ZDBF2: variants seen among roughly 807,000 people sequenced by gnomAD.
The protein encoded by ZDBF2 is DBF4-type zinc finger-containing protein 2.
ZDBF2 carries 6 observed loss-of-function variants against 9.4 expected under a neutral mutation model. That is an observed-to-expected ratio of 0.64 (90% CI 0.35 to 1.27). The LOEUF (loss-of-function observed/expected upper bound fraction) is 1.27. ZDBF2 is among the 50% of genes most tolerant of loss of function. The pLI, the probability that ZDBF2 is intolerant of heterozygous loss-of-function variation, is 0.03. For missense variants in ZDBF2, 2,697 were observed against 2,766.8 expected, an observed-to-expected ratio of 0.97 and a Z score of 0.57; for synonymous variants, 905 against 946.3, an observed-to-expected ratio of 0.96 and a Z score of 0.80.
rs757846149 is a variant in ZDBF2, at chr2:206,307,479, A to T, written c.2951A>T (p.Lys984Met). ...AAAGAAACATGGCTTCAAAGAGAAAAGCACGCTGAATTCCAAGGTAGAAGT... is the reference window on the plus strand; with the variant it reads ...AAAGAAACATGGCTTCAAAGAGAAATGCACGCTGAATTCCAAGGTAGAAGT... ...IVKETWLQREKHAEFQGRSTE... is the reference protein window; with the variant it reads ...IVKETWLQREMHAEFQGRSTE... Residue 984 changes from lysine (K) to methionine (M), a missense_variant, in exon 5 of 5, where the codon AAG (lysine) becomes ATG (methionine). Transcript: ENST00000374423. The T allele has an allele frequency of 6.2e-7, 1 of 1,613,082 alleles. No individual in the cohort carries two copies. The highest frequency in any genetic ancestry group is 1.1e-5 in the South Asian group (1 of 90,756).
intron 1 of ZDBF2, among the ~76,000 whole-genome samples, chr2:206,276,678 C>A (rs1287373596): frequency 6.6e-6 from 1 of 152,316 alleles, no homozygotes; most frequent in South Asian, 2.1e-4. Context: ...AACAAGATAC[C>A]TCTTTTCTCT....
intron 4 of ZDBF2, among the ~76,000 whole-genome samples, chr2:206,300,687 A>G (rs748195810): frequency 4.6e-5 from 7 of 152,210 alleles, no homozygotes; most frequent in Non-Finnish European, 7.3e-5. Flanking sequence ...CTTTGAGACT[A>G]TGTAAATACC....
intron 3 of ZDBF2, among the ~76,000 whole-genome samples, chr2:206,292,427 G>A (rs930222754): frequency 6.6e-6 from 1 of 152,104 alleles, no homozygotes; most frequent in Non-Finnish European, 1.5e-5. Context: ...ATAGGCAAGA[G>A]TAACAGATTG....
At position 206,297,291 on chromosome 2, in the gene ZDBF2, C is replaced by T. The variant is rs773297831; in HGVS notation, c.106C>T (p.Arg36Cys). 16 of 1,588,458 alleles carry T rather than the reference C, an allele frequency of 1.0e-5. No individual in the cohort carries two copies. Among genetic ancestry groups the T allele is most frequent in the East Asian group, 4.5e-5 (2 of 44,726 alleles). ...QHRSLTRQSR[R>C]QICTSSLMER... ...CAGGAGTTTGACCAGACAGAGTAGA[C>T]GTCAAATATGTACCAGTAGTTTGAT... The change falls in exon 4 of 5, where the codon CGT (arginine) becomes TGT (cysteine). Residue 36 changes from arginine to cysteine, a missense_variant. Arg to Cys is a radical substitution (Grantham distance 180, BLOSUM62 -3). This residue lies in a region of ZDBF2 where 910 missense variants were observed against 973.6 expected (regional missense o/e 0.93). Transcript: ENST00000374423.
chr2:206,307,480 G>A lies in ZDBF2; in HGVS notation c.2952G>A (p.Lys984=). The A allele has an allele frequency of 6.2e-7, 1 of 1,613,032 alleles. No individual in the cohort carries two copies. Among genetic ancestry groups the A allele is most frequent in the African/African-American group, 1.3e-5 (1 of 75,018 alleles). Residue 984 remains lysine (K), a synonymous_variant, in exon 5 of 5, where the codon AAG becomes AAA. Transcript: ENST00000374423. ...IVKETWLQRE[K]HAEFQGRSTE... Reference sequence around the variant, plus strand: ...AAGAAACATGGCTTCAAAGAGAAAAGCACGCTGAATTCCAAGGTAGAAGTA... The same window carrying A: ...AAGAAACATGGCTTCAAAGAGAAAAACACGCTGAATTCCAAGGTAGAAGTA...
At chr2:206,297,422 T>C (rs1434646266) in intron 4 of ZDBF2, 49 bp downstream of exon 4, 4 of 1,524,542 alleles carry the variant, frequency 2.6e-6, no homozygotes, top group Non-Finnish European at 3.6e-6. Flanking sequence ...TATGTTACAG[T>C]AGGTGTTTGT....
Position 206,307,856 on chromosome 2 carries a change from G to A in ZDBF2, c.3328G>A (p.Glu1110Lys). ...TATTGGCCTGAAAAATAAGATTAAT[G>A]AACCTAGTACTTATAAATTAATACA... ...EVIGLKNKIN[E>K]PSTYKLIHHP... The change falls in exon 5 of 5, where the codon GAA (glutamate) becomes AAA (lysine). Residue 1110 changes from glutamate to lysine, a missense_variant. Transcript: ENST00000374423. 6.2e-7 allele frequency: 1 copy of A among 1,612,868 alleles called. No homozygotes were observed. Among genetic ancestry groups the A allele is most frequent in the Non-Finnish European group, 8.5e-7 (1 of 1,179,582 alleles).
chr2:206,289,839 C>T (rs1691798235), intron 3 of ZDBF2, among the ~76,000 whole-genome samples: 2 of 152,146 alleles, frequency 1.3e-5, no homozygotes, highest in Non-Finnish European at 2.9e-5. Context: ...TTGCTTGCCT[C>T]CTTGCTATAG....
Position 206,311,617 on chromosome 2 carries a change from G to T in ZDBF2, c.*24G>T. 1 of 1,456,140 alleles carries T rather than the reference G, an allele frequency of 6.9e-7. No homozygotes were observed. The allele number at this position is 1,456,140 out of a possible 1,614,324, so 90.2% of individuals were successfully genotyped here. On this transcript the variant is annotated 3_prime_UTR_variant, in exon 5 of 5. Coordinates refer to ENST00000374423, the MANE Select transcript of ZDBF2 (RefSeq NM_020923.3). ...AGAAGTTGGTTTTGTGTTCAGGCTAGTTGAGGATTCAGTACTTCAGTTGAA... is the reference window on the plus strand; with the variant it reads ...AGAAGTTGGTTTTGTGTTCAGGCTATTTGAGGATTCAGTACTTCAGTTGAA...
chr2:206,276,038 G>A (rs1690981631), intron 1 of ZDBF2, among the ~76,000 whole-genome samples: 1 of 152,094 alleles, frequency 6.6e-6, no homozygotes, highest in African/African-American at 2.4e-5. Context: ...CATAATAATT[G>A]GAGGCAGTGT....
Position 206,311,091 on chromosome 2 carries a change from T to G in ZDBF2, c.6563T>G (p.Leu2188Arg), listed in dbSNP as rs1156902855. 3 of 1,613,390 alleles carry G rather than the reference T, an allele frequency of 1.9e-6. No individual in the cohort carries two copies. The South Asian group carries it at 3.3e-5, about 18-fold the overall frequency. ...GKRVTTSSNK[L>R]GFPKKVYKPI... ...AGGGTGACAACTAGTAGTAATAAGC[T>G]AGGTTTTCCCAAAAAGGTTTATAAA... is the stretch of plus-strand genomic sequence containing the variant. Residue 2188 changes from leucine to arginine, a missense_variant, in exon 5 of 5, where the codon CTA becomes CGA. By Grantham distance (102) the Leu-to-Arg change is moderately radical (BLOSUM62 -2). Coordinates refer to ENST00000374423, the MANE Select transcript of ZDBF2 (RefSeq NM_020923.3).
In ZDBF2 at chr2:206,311,211, C is replaced by A. The variant is rs781279011; in HGVS notation, c.6683C>A (p.Ser2228Ter). The A allele has an allele frequency of 1.2e-6, 2 of 1,612,204 alleles. No individual in the cohort carries two copies. The highest frequency in any genetic ancestry group is 2.2e-5 in the South Asian group (2 of 90,630). ...KPSDIIRKYISKYSVFLRHRY... is the reference protein window; with the variant it reads ...KPSDIIRKYI ...AGTGATATCATTAGAAAGTATATTT[C>A]GAAATACTCTGTCTTTTTACGTCAT... The change falls in exon 5 of 5, where the codon TCG becomes TAG. Residue 2228 changes from serine (S) to a stop codon, truncating the protein, a stop_gained. Transcript: ENST00000374423. LOFTEE classifies it low-confidence loss of function (END_TRUNC).
At position 206,309,597 on chromosome 2, in the gene ZDBF2, G is replaced by T. The variant is rs757506025; in HGVS notation, c.5069G>T (p.Arg1690Leu). ...AAAGCTCACAAAGAAGCCAGTCTTC[G>T]GAAGGATCCAAGAAATGCTGGCCTA... ...LQKAHKEASL[R>L]KDPRNAGLKG... The change falls in exon 5 of 5, where the codon CGG becomes CTG. Residue 1690 changes from arginine (R) to leucine (L), a missense_variant. This residue lies in a region of ZDBF2 where 1,783 missense variants were observed against 1,776.5 expected (regional missense o/e 1.00). Coordinates refer to ENST00000374423, the MANE Select transcript of ZDBF2 (RefSeq NM_020923.3). 5.6e-6 allele frequency: 9 copies of T among 1,613,822 alleles called. No homozygotes were observed. The highest frequency in any genetic ancestry group is 7.6e-6 in the Non-Finnish European group (9 of 1,179,862).
rs1693202111 is a variant in ZDBF2, at chr2:206,311,646, T to C, written c.*53T>C. 6 of 1,388,520 alleles carry C rather than the reference T, an allele frequency of 4.3e-6. No individual in the cohort carries two copies. Among genetic ancestry groups the C allele is most frequent in the Non-Finnish European group, 4.7e-6 (5 of 1,064,680 alleles). The allele number at this position is 1,388,520 out of a possible 1,614,324, so 86.0% of individuals were successfully genotyped here. On this transcript the variant is annotated 3_prime_UTR_variant, in exon 5 of 5. Coordinates refer to ENST00000374423, the MANE Select transcript of ZDBF2 (RefSeq NM_020923.3). ...AGGATTCAGTACTTCAGTTGAAATATATTTGGTACTTTGTGCACACAGCTT... is the reference window on the plus strand; with the variant it reads ...AGGATTCAGTACTTCAGTTGAAATACATTTGGTACTTTGTGCACACAGCTT...
At chr2:206,290,476 A>G (rs979313567) in intron 3 of ZDBF2, among the ~76,000 whole-genome samples, 35 of 152,246 alleles carry the variant, frequency 2.3e-4, no homozygotes, top group Non-Finnish European at 1.5e-4. Flanking sequence ...CTTCCAATCC[A>G]TGAATAGAGG....
rs374011890 is a variant in ZDBF2 at position 206,308,894 on chromosome 2, T to C, written c.4366T>C (p.Cys1456Arg). Reference sequence around the variant, plus strand: ...TGAAGTCTGTGGTTCTGAAATAAAATGTCATTCTTGTGTTCATCTTCAGTC... The same window carrying C: ...TGAAGTCTGTGGTTCTGAAATAAAACGTCATTCTTGTGTTCATCTTCAGTC... The part of the protein sequence containing the change: ...NCEVCGSEIK[C>R]HSCVHLQSEV... Residue 1456 changes from cysteine (C) to arginine (R), a missense_variant, in exon 5 of 5, where the codon TGT becomes CGT. By Grantham distance (180) the Cys-to-Arg change is radical. Transcript: ENST00000374423. 6.8e-6 allele frequency: 11 copies of C among 1,612,570 alleles called. No individual in the cohort carries two copies. In the Admixed American group the frequency reaches 8.4e-5, roughly 12 times the overall value.
intron 4 of ZDBF2, among the ~76,000 whole-genome samples, chr2:206,300,894 G>A (rs1409705169): frequency 8.6e-5 from 13 of 151,836 alleles, no homozygotes; most frequent in Admixed American, 6.6e-4. Flanking sequence ...TATTTATTTT[G>A]TTGCTCAAAT....
rs966682046 is a variant in ZDBF2 at position 206,274,774 on chromosome 2, G to T, written c.-275G>T. The stretch of plus-strand genomic sequence containing the variant: ...CGCTCCCGCGCCGCTTCTCGCCTCC[G>T]GACCGCAGGGGCCGAAGTCGCCTAT... On this transcript the variant is annotated 5_prime_UTR_variant, in exon 1 of 5. Transcript: ENST00000374423. 6.6e-6 allele frequency: 1 copy of T among 152,186 alleles called. No homozygotes were observed. The highest frequency in any genetic ancestry group is 1.9e-4 in the East Asian group (1 of 5,176). The allele number at this position is 152,186 out of a possible 1,614,324, so 9.4% of individuals were successfully genotyped here. A position where few individuals can be genotyped will look rare whatever the true frequency, so the allele number is the denominator to read the frequency against.
chr2:206,297,705 GTTT>G (rs1160701037), intron 4 of ZDBF2, among the ~76,000 whole-genome samples: 8 of 152,082 alleles, frequency 5.3e-5, no homozygotes, highest in African/African-American at 1.7e-4. Context: ...TTGAGATGGA[GTTT>G]CGCTCTTGTT....
Sources: allele counts gnomAD v4.1 joint callset (sites outside exome capture counted in the v4.1 genomes callset), GRCh38; gene constraint gnomAD v4.1.1; regional missense constraint gnomAD v4.1.1; transcripts MANE v1.5; gene names NCBI Gene and HGNC (gene_info 2026-07-23, HGNC 2026-07-21).